TESMIN: variants seen among roughly 807,000 people sequenced by gnomAD.
TESMIN encodes CXC domain containing 2.
TESMIN carries 34 observed loss-of-function variants against 47.4 expected under a neutral mutation model. The ratio of observed to expected loss-of-function variants is 0.72; its 90% confidence interval spans 0.55 to 0.96. TESMIN has a LOEUF of 0.96. Ranked by LOEUF, TESMIN falls within the 40% of genes least tolerant of loss-of-function variation. The probability of loss-of-function intolerance (pLI) is 0.00; values close to 1 mark genes in which losing one functional copy is unlikely to be tolerated. For missense variants in TESMIN, 610 were observed against 637.2 expected (o/e 0.96, Z 0.46); for synonymous variants, 278 against 258.9 (o/e 1.07, Z -0.71).
At chr11:68,728,757 A>G (rs1946293863) in intron 6 of TESMIN, among the ~76,000 whole-genome samples, 1 of 152,338 alleles carries the variant, frequency 6.6e-6, no homozygotes, top group Non-Finnish European at 1.5e-5. Flanking sequence ...CAAATCCTAG[A>G]CCCTTTAAGA....
chr11:68,708,635 C>T, intron 9 of TESMIN, 135 bp from the exon 10 acceptor site: 1 of 867,126 alleles, frequency 1.2e-6, no homozygotes, highest in Non-Finnish European at 1.7e-6. Context: ...ACGTTGTCTT[C>T]CTCATACTGG....
chr11:68,711,278 AGTGT>A (rs200016552), intron 8 of TESMIN, among the ~76,000 whole-genome samples: 21 of 143,584 alleles, frequency 1.5e-4, no homozygotes, highest in African/African-American at 3.9e-4. Context: ...AATGTGTAAG[AGTGT>A]GTGTGTGTTG....
rs1006322520 is a variant in TESMIN at position 68,707,722 on chromosome 11, C to T, written c.*586G>A. 164 of 425,932 alleles carry T rather than the reference C, an allele frequency of 3.9e-4. No individual in the cohort carries two copies. Among genetic ancestry groups the T allele is most frequent in the Middle Eastern group, 1.0e-3 (3 of 2,918 alleles). 26.4% of individuals were successfully genotyped at this position (425,932 alleles called of 1,614,324 possible). ...GCGAGGCCCCATTGCCTGCGTCTCC[C>T]GGGGGCCTTAGGAAAGACTGACAGT... On this transcript the variant is annotated 3_prime_UTR_variant, in exon 10 of 10. Transcript: ENST00000255087.
chr11:68,707,660 T>A lies in TESMIN; in HGVS notation c.*648A>T. ...ACAGAAGAAACTGGATAATTTTAAG[T>A]CCTCTAACTCAAGACATGCTGGTGC... On this transcript the variant is annotated 3_prime_UTR_variant, in exon 10 of 10. Coordinates refer to ENST00000255087, the MANE Select transcript of TESMIN (RefSeq NM_004923.3). The A allele has an allele frequency of 3.6e-6, 1 of 281,272 alleles. No individual in the cohort carries two copies. Among genetic ancestry groups the A allele is most frequent in the Non-Finnish European group, 7.5e-6 (1 of 133,766 alleles). The allele number at this position is 281,272 out of a possible 1,614,324, so 17.4% of individuals were successfully genotyped here.
downstream of TESMIN, among the ~76,000 whole-genome samples, chr11:68,706,004 CAG>C (rs1237248745): frequency 3.6e-5 from 4 of 110,822 alleles, no homozygotes; most frequent in South Asian, 1.2e-3. Context: ...GCCTGGGCAA[CAG>C]AGTGAGACTC....
Position 68,715,877 on chromosome 11 carries a change from T to C in TESMIN, c.980A>G (p.Asn327Ser). 6.2e-7 allele frequency: 1 copy of C among 1,613,314 alleles called. No homozygotes were observed. The highest frequency in any genetic ancestry group is 8.5e-7 in the Non-Finnish European group (1 of 1,179,274). Residue 327 changes from asparagine to serine, a missense_variant, in exon 7 of 10, where the codon AAC becomes AGC. Physicochemically the swap from Asn to Ser is conservative, Grantham distance 46. Coordinates refer to ENST00000255087, the MANE Select transcript of TESMIN (RefSeq NM_004923.3). The part of the protein sequence containing the change: ...CNNCNCNNCC[N>S]NLHHDIERFK... The stretch of plus-strand genomic sequence containing the variant: ...CCGTTCAATATCATGATGCAAGTTG[T>C]TGCAACAATTATTACAATTGCAGTT...
intron 6 of TESMIN, chr11:68,737,553 G>A (rs1236648308): frequency 2.0e-6 from 2 of 985,588 alleles, no homozygotes; most frequent in Non-Finnish European, 2.4e-6. Flanking sequence ...GCTGCGGGCT[G>A]TATCCTGTAA....
rs536169716 is a variant in TESMIN, at chr11:68,749,274, C to T, written c.471+916G>A. ...AGCCTCTGCCCATCCTTTTCCTGTA[C>T]ACTAAGGACTGGCAATTACCATAAC... On this transcript the variant is annotated intron_variant, in intron 2 of 9. Transcript: ENST00000255087. 3.9e-5 allele frequency among the ~76,000 whole-genome samples: 6 copies of T among 152,338 alleles called. No homozygotes were observed. In the East Asian group the frequency reaches 9.6e-4, roughly 24 times the overall value.
chr11:68,706,737 T>C (rs184983590), downstream of TESMIN, among the ~76,000 whole-genome samples: 11 of 152,366 alleles, frequency 7.2e-5, no homozygotes, highest in Non-Finnish European at 1.5e-4. Flanking sequence ...TTTGGATACA[T>C]TGGGATAAAT....
At chr11:68,721,853 A>G (rs1946207066) in intron 6 of TESMIN, among the ~76,000 whole-genome samples, 1 of 152,226 alleles carries the variant, frequency 6.6e-6, no homozygotes, top group Non-Finnish European at 1.5e-5. Context: ...TAATCAGAAA[A>G]TGCAAAATAA....
rs976170338 is a variant in TESMIN at position 68,715,751 on chromosome 11, T to A, written c.1020+86A>T. 10 of 979,964 alleles carry A rather than the reference T, an allele frequency of 1.0e-5. No individual in the cohort carries two copies. In the African/African-American group the frequency reaches 1.6e-4, roughly 16 times the overall value. 60.7% of individuals were successfully genotyped at this position (979,964 alleles called of 1,614,324 possible). ...CTTCAAAACTGTGGGTTTTTTCCAA[T>A]GAGGAATCTCTGAAGGTGATTTTAT... On this transcript the variant is annotated intron_variant, in intron 7 of 9. Coordinates refer to ENST00000255087, the MANE Select transcript of TESMIN (RefSeq NM_004923.3).
intron 1 of TESMIN, among the ~76,000 whole-genome samples, chr11:68,751,099 AGCGACCAGGGGAGGGAGTCAGGGGAGGG>A (rs1946599811): frequency 4.4e-5 from 1 of 22,886 alleles, no homozygotes; most frequent in East Asian, 1.4e-3. Context: ...CCAGGTGAGG[AGCGACCAGGGGAGGGAGTCAGGGGAGGG>A]GCGACCAGGT....
chr11:68,738,921 T>G, intron 5 of TESMIN, 133 bp from the exon 6 acceptor site: 1 of 721,938 alleles, frequency 1.4e-6, no homozygotes, highest in Non-Finnish European at 2.3e-6. Context: ...TAACCATGTC[T>G]GGCCTTATTA....
chr11:68,709,214 A>G (rs1490355255), intron 9 of TESMIN, among the ~76,000 whole-genome samples: 2 of 152,226 alleles, frequency 1.3e-5, no homozygotes, highest in Non-Finnish European at 2.9e-5. Context: ...TGACGAACCC[A>G]GAGGATCCCG....
chr11:68,708,395 T>A lies in TESMIN; in HGVS notation c.1440A>T (p.Ala480=), dbSNP rs1401784449. ...CAAATTCCTCCAGGATCATCTGCTC[T>A]GCCAGGCACTTGGAGCAGTGTTCTT... ...AEKEHCSKCL[A]EQMILEEFGR... The change falls in exon 10 of 10, where the codon GCA becomes GCT. Residue 480 remains alanine, a synonymous_variant. Coordinates refer to ENST00000255087, the MANE Select transcript of TESMIN (RefSeq NM_004923.3). The A allele has an allele frequency of 6.2e-7, 1 of 1,614,132 alleles. No individual in the cohort carries two copies. Among genetic ancestry groups the A allele is most frequent in the African/African-American group, 1.3e-5 (1 of 74,958 alleles).
At chr11:68,747,135 A>C in intron 3 of TESMIN, 73 bp downstream of exon 3, 157 of 1,379,580 alleles carry the variant, frequency 1.1e-4, no homozygotes, top group Middle Eastern at 1.8e-4. Flanking sequence ...TGAAATGATC[A>C]GTCGACTTAG....
rs559494532 is a variant in TESMIN at position 68,725,313 on chromosome 11, C to A, written c.918-9374G>T. Among the ~76,000 whole-genome samples the A allele has an allele frequency of 3.3e-5, 5 of 152,262 alleles. No individual in the cohort carries two copies. The South Asian group carries it at 6.2e-4, about 19-fold the overall frequency. ...TAATGCCAATCACGAAAATCAATTC[C>A]AGGTGATTTAAAGCTCAATGACAAA... On this transcript the variant is annotated intron_variant, in intron 6 of 9. Coordinates refer to ENST00000255087, the MANE Select transcript of TESMIN (RefSeq NM_004923.3).
At chr11:68,738,351 C>T (rs901888351) in intron 6 of TESMIN, 72 of 1,018,484 alleles carry the variant, frequency 7.1e-5, no homozygotes, top group South Asian at 4.0e-4. Flanking sequence ...ATTATTTCCA[C>T]GGACGACAGC....
rs1946019642 is a variant in TESMIN at position 68,708,253 on chromosome 11, T to C, written c.*55A>G. 2.0e-6 allele frequency: 3 copies of C among 1,497,088 alleles called. No individual in the cohort carries two copies. Among genetic ancestry groups the C allele is most frequent in the Non-Finnish European group, 2.7e-6 (3 of 1,109,160 alleles). The allele number at this position is 1,497,088 out of a possible 1,614,324, so 92.7% of individuals were successfully genotyped here. On this transcript the variant is annotated 3_prime_UTR_variant, in exon 10 of 10. Transcript: ENST00000255087. ...CTCATGTTCCCCTAAACATCCTTTC[T>C]AAACTAGAGATTTCTAGACTAAGAC...
Sources: gnomAD v4.1 joint callset for allele counts (sites outside exome capture counted in the v4.1 genomes callset) on GRCh38, gnomAD v4.1.1 for gene constraint, MANE v1.5 for transcripts, NCBI Gene and HGNC (gene_info 2026-07-23, HGNC 2026-07-21) for gene names.